ENAH: variants seen among roughly 807,000 people sequenced by gnomAD.
The protein encoded by ENAH is ENAH actin regulator, also known as protein enabled homolog.
A neutral mutation model predicts 78.7 loss-of-function variants in ENAH; 23 were observed. That is an observed-to-expected ratio of 0.29 (90% confidence interval 0.21 to 0.41). The LOEUF (loss-of-function observed/expected upper bound fraction) is 0.41, where lower values mean the gene tolerates loss of function less well. Ranked by LOEUF, ENAH falls within the 10% of genes least tolerant of loss-of-function variation. ENAH has a pLI of 1.00. For synonymous variants in ENAH, 226 were observed against 241.0 expected, an observed-to-expected ratio of 0.94 and a Z score of 0.58; for missense variants, 544 against 691.0, an observed-to-expected ratio of 0.79 and a Z score of 2.39.
chr1:225,512,556 CTAAT>C lies in ENAH; in HGVS notation c.1422+97_1422+100del, dbSNP rs2096385571. The stretch of plus-strand genomic sequence containing the variant: ...AAAAATTAGCAAATATAAGTTCAAA[CTAAT>C]TAAGCCCAAATTAAATAAATGCTGA... On this transcript the variant is annotated intron_variant, in intron 9 of 13. Coordinates refer to ENST00000366843, the MANE Select transcript of ENAH (RefSeq NM_018212.6). The C allele has an allele frequency of 1.4e-5, 17 of 1,225,314 alleles. No individual in the cohort carries two copies. In the South Asian group the frequency reaches 2.6e-4, roughly 19 times the overall value. The allele number at this position is 1,225,314 out of a possible 1,614,324, so 75.9% of individuals were successfully genotyped here.
In ENAH at chr1:225,513,967, T is replaced by C. The variant is rs182671322; in HGVS notation, c.1218+629A>G. On this transcript the variant is annotated intron_variant, in intron 7 of 13. Transcript: ENST00000366843. ...TCGCGCCATGGCACTCCAGTCTGGA[T>C]AACAAGAGTGAAACTCCGTCTCAAG... is the stretch of plus-strand genomic sequence containing the variant. Among the ~76,000 whole-genome samples the C allele has an allele frequency of 8.6e-4, 131 of 151,724 alleles. 1 individual carries two copies. Among genetic ancestry groups the C allele is most frequent in the African/African-American group, 3.2e-3 (131 of 41,338 alleles).
intron 1 of ENAH, among the ~76,000 whole-genome samples, chr1:225,643,487 T>C (rs149857411): frequency 3.3e-5 from 5 of 152,186 alleles, no homozygotes; most frequent in East Asian, 1.9e-4. Context: ...CAAAGACATA[T>C]AACCAAAGAT....
chr1:225,530,713 A>C (rs1013671465), intron 3 of ENAH, 75 bp from the exon 4 acceptor site: 1 of 1,157,108 alleles, frequency 8.6e-7, no homozygotes, highest in South Asian at 1.3e-5. Flanking sequence ...AATCATGAGA[A>C]TAACATAAAA....
chr1:225,500,968 G>A (rs1467680738), intron 12 of ENAH, 24 bp downstream of exon 12: 1 of 1,606,152 alleles, frequency 6.2e-7, no homozygotes, highest in African/African-American at 1.3e-5. Context: ...TACAAATAAA[G>A]GAAAGCTGCC....
chr1:225,636,994 G>C (rs1660179154), intron 1 of ENAH, among the ~76,000 whole-genome samples: 1 of 152,154 alleles, frequency 6.6e-6, no homozygotes, highest in Admixed American at 6.6e-5. Flanking sequence ...CAGCTTTCCA[G>C]AAGACAGACA....
intron 4 of ENAH, among the ~76,000 whole-genome samples, chr1:225,520,255 A>G (rs2096456936): frequency 6.6e-6 from 1 of 151,840 alleles, no homozygotes; most frequent in South Asian, 2.1e-4. Context: ...AGATCGTGCC[A>G]CTGCACTCCA....
intron 1 of ENAH, among the ~76,000 whole-genome samples, chr1:225,601,667 CATTT>C (rs1246702956): frequency 6.6e-6 from 1 of 151,698 alleles, no homozygotes; most frequent in Non-Finnish European, 1.5e-5. Context: ...ATACCCTAAA[CATTT>C]ATATTACTAA....
chr1:225,519,371 AGGCGTTCCTGCCG>A lies in ENAH; in HGVS notation c.616_628del (p.Arg206TrpfsTer42). 6.2e-7 allele frequency: 1 copy of A among 1,608,806 alleles called. No individual in the cohort carries two copies. Among genetic ancestry groups the A allele is most frequent in the Non-Finnish European group, 8.5e-7 (1 of 1,177,800 alleles). On this transcript the variant is annotated frameshift_variant, in exon 5 of 14. Coordinates refer to ENST00000366843, the MANE Select transcript of ENAH (RefSeq NM_018212.6). LOFTEE classifies it high-confidence loss of function. ...CCGCTCCAGGCGTTCCTGCCGCTCC[AGGCGTTCCTGCCG>A]CTCCAGGCGTTCCTGCCGTTCCCGT...
chr1:225,650,588 C>T (rs1375188031), intron 1 of ENAH, among the ~76,000 whole-genome samples: 1 of 152,066 alleles, frequency 6.6e-6, no homozygotes, highest in Non-Finnish European at 1.5e-5. Context: ...CCGTGGCTCA[C>T]GCCTGTAATC....
intron 1 of ENAH, among the ~76,000 whole-genome samples, chr1:225,610,810 G>A (rs1249352422): frequency 4.6e-5 from 7 of 152,072 alleles, no homozygotes; most frequent in African/African-American, 1.2e-4. Flanking sequence ...CCACATACAC[G>A]CTCAAGAAAA....
intron 1 of ENAH, among the ~76,000 whole-genome samples, chr1:225,605,520 C>T (rs920472282): frequency 3.9e-5 from 6 of 152,216 alleles, no homozygotes; most frequent in South Asian, 2.1e-4. Flanking sequence ...CTACAATGTC[C>T]GAGTTATTTC....
chr1:225,567,026 A>G (rs2096738243), intron 2 of ENAH, among the ~76,000 whole-genome samples: 1 of 152,392 alleles, frequency 6.6e-6, no homozygotes, highest in African/African-American at 2.4e-5. Flanking sequence ...AAAATTCATC[A>G]TAAAAGAACT....
chr1:225,566,721 T>G (rs146728165), intron 2 of ENAH, among the ~76,000 whole-genome samples: 1 of 152,220 alleles, frequency 6.6e-6, no homozygotes, highest in Non-Finnish European at 1.5e-5. Flanking sequence ...AGCTACTTTC[T>G]AAGAAATCCA....
chr1:225,503,004 A>G (rs2096292869), intron 11 of ENAH, among the ~76,000 whole-genome samples: 1 of 152,216 alleles, frequency 6.6e-6, no homozygotes. Context: ...TTGGGCAAGT[A>G]TGTTATGAAT....
chr1:225,556,076 G>A (rs559950464), intron 2 of ENAH, among the ~76,000 whole-genome samples: 2 of 152,226 alleles, frequency 1.3e-5, no homozygotes, highest in East Asian at 1.9e-4. Context: ...CTCTATGGTA[G>A]TCGTTTGTAT....
At chr1:225,518,097 T>C (rs959639366) in intron 5 of ENAH, 6 of 900,344 alleles carry the variant, frequency 6.7e-6, no homozygotes, top group South Asian at 1.8e-5. Context: ...TGTATAAATG[T>C]AGACTACAGT....
chr1:225,578,016 G>A (rs149154148), intron 1 of ENAH, among the ~76,000 whole-genome samples: 2 of 152,168 alleles, frequency 1.3e-5, no homozygotes, highest in African/African-American at 4.8e-5. Context: ...TGTGACTCAG[G>A]CGGTAAAAAG....
At chr1:225,498,823 GAAGT>G in intron 12 of ENAH, among the ~76,000 whole-genome samples, 1 of 152,306 alleles carries the variant, frequency 6.6e-6, no homozygotes, top group Admixed American at 6.5e-5. Flanking sequence ...CCTTTTGTCT[GAAGT>G]ATGTATGGAG....
chr1:225,522,264 T>C (rs1032073237), intron 4 of ENAH, among the ~76,000 whole-genome samples: 3 of 152,072 alleles, frequency 2.0e-5, no homozygotes, highest in African/African-American at 7.2e-5. Flanking sequence ...TCTCTCTCCT[T>C]CATGTTTCCT....
Sources: gnomAD v4.1 joint callset for allele counts (sites outside exome capture counted in the v4.1 genomes callset) on GRCh38, gnomAD v4.1.1 for gene constraint, MANE v1.5 for transcripts, NCBI Gene and HGNC (gene_info 2026-07-23, HGNC 2026-07-21) for gene names.